The following LRGUK variants were observed in gnomAD, a reference collection of about 807,000 sequenced individuals.
LRGUK encodes the protein leucine rich repeats and guanylate kinase domain containing.
In LRGUK, 65 loss-of-function variants were observed where a neutral mutation model predicts 76.0. The ratio of observed to expected loss-of-function variants is 0.85; its 90% confidence interval spans 0.70 to 1.05. The LOEUF is 1.05. Among genes scored for constraint, LRGUK ranks in the 50% least tolerant of loss-of-function variants. The probability of loss-of-function intolerance (pLI) is 0.00; values close to 1 mark genes in which losing one functional copy is unlikely to be tolerated. For missense variants in LRGUK, 758 were observed against 732.8 expected, an observed-to-expected ratio of 1.03 and a Z score of -0.40; for synonymous variants, 268 against 265.6, an observed-to-expected ratio of 1.01 and a Z score of -0.09.
chr7:134,153,593 G>T (rs1798323706), intron 5 of LRGUK, among the ~76,000 whole-genome samples: 1 of 152,142 alleles, frequency 6.6e-6, no homozygotes, highest in Admixed American at 6.6e-5. Context: ...TTGTGGAAGA[G>T]GAACCTGAGA....
chr7:134,209,155 G>A lies in LRGUK; in HGVS notation c.2292G>A (p.Ser764=), dbSNP rs149100921. The A allele has an allele frequency of 9.8e-3, 3,917 of 399,178 alleles. 21 individuals are homozygous for A. The highest frequency in any genetic ancestry group is 0.013 in the Non-Finnish European group (2,983 of 226,394). The allele number at this position is 399,178 out of a possible 1,614,324, so 24.7% of individuals were successfully genotyped here. ...CTCCTGTGCACCCTTCCCCTCCCTC[G>A]TCCCGCAGCCCTCAGCCAGGCCAGG... Residue 764 remains serine (S), a synonymous_variant, in exon 16 of 16, where the codon TCG becomes TCA. Transcript: ENST00000645682.
At chr7:134,214,034 A>G (rs1328821077), downstream of LRGUK, among the ~76,000 whole-genome samples, 1 of 152,250 alleles carries the variant, frequency 6.6e-6, no homozygotes, top group Non-Finnish European at 1.5e-5. Context: ...ATCAATGGAG[A>G]TAATATTGCC....
At chr7:134,211,229 C>T (rs547959904), downstream of LRGUK, among the ~76,000 whole-genome samples, 2 of 152,376 alleles carry the variant, frequency 1.3e-5, no homozygotes, top group Admixed American at 6.5e-5. Context: ...GCTCTATCAG[C>T]TGCTGCCACC....
At chr7:134,203,941 G>A (rs574123865) in intron 15 of LRGUK, among the ~76,000 whole-genome samples, 1 of 152,278 alleles carries the variant, frequency 6.6e-6, no homozygotes, top group African/African-American at 2.4e-5. Flanking sequence ...GGTCCCATCG[G>A]GTGGACCTGC....
exon 12 of LRGUK, chr7:134,191,674 C>T (rs1800254740): frequency 6.2e-7 from 1 of 1,612,336 alleles, no homozygotes; most frequent in Non-Finnish European, 8.5e-7. Flanking sequence ...TACCACAAGA[C>T]CACCTTACTT....
At chr7:134,178,934 A>AAAAAAAAAAAAAAAAC (rs376955591) in intron 10 of LRGUK, among the ~76,000 whole-genome samples, 52 of 78,134 alleles carry the variant, frequency 6.7e-4, no homozygotes, top group East Asian at 1.0e-3. Flanking sequence ...CTCAAAAAAA[A>AAAAAAAAAAAAAAAAC]AAAAAAAAAA....
chr7:134,167,655 A>G (rs113142322), intron 7 of LRGUK, among the ~76,000 whole-genome samples: 122 of 152,242 alleles, frequency 8.0e-4, no homozygotes, highest in African/African-American at 2.8e-3. Flanking sequence ...TCCCTTGCAG[A>G]AGGGGCGGGA....
rs1370159881 is a variant in LRGUK, at chr7:134,143,174, G to T, written c.588+12G>T. Reference sequence around the variant, plus strand: ...CCAAAAACCTCAAGGTAGACTTTATGAATACCTTAATTACACATTAAGGGG... The same window carrying T: ...CCAAAAACCTCAAGGTAGACTTTATTAATACCTTAATTACACATTAAGGGG... On this transcript the variant is annotated intron_variant, in intron 4 of 15. Coordinates refer to ENST00000645682, the Ensembl canonical transcript of LRGUK. 1.3e-6 allele frequency: 2 copies of T among 1,484,438 alleles called. No homozygotes were observed. Among genetic ancestry groups the T allele is most frequent in the African/African-American group, 2.8e-5 (2 of 72,148 alleles). The allele number at this position is 1,484,438 out of a possible 1,614,324, so 92.0% of individuals were successfully genotyped here. A position where few individuals can be genotyped will look rare whatever the true frequency, so the allele number is the denominator to read the frequency against.
intron 4 of LRGUK, among the ~76,000 whole-genome samples, chr7:134,144,854 T>C (rs1797905883): frequency 6.6e-6 from 1 of 152,178 alleles, no homozygotes; most frequent in Non-Finnish European, 1.5e-5. Context: ...CTGTACTCAG[T>C]GTGGGGCCGC....
At chr7:134,259,082 A>G (rs944944552) in intron 19 of LRGUK, among the ~76,000 whole-genome samples, 1 of 152,192 alleles carries the variant, frequency 6.6e-6, no homozygotes, top group Non-Finnish European at 1.5e-5. Flanking sequence ...GTTGCAGTCC[A>G]GTCTTCACTG....
intron 16 of LRGUK, among the ~76,000 whole-genome samples, chr7:134,243,283 A>G (rs1769677722): frequency 6.6e-6 from 1 of 152,206 alleles, no homozygotes. Context: ...TGCAGATGAC[A>G]TGATTTTATA....
At chr7:134,164,845 A>T (rs1798903122) in intron 7 of LRGUK, among the ~76,000 whole-genome samples, 1 of 152,186 alleles carries the variant, frequency 6.6e-6, no homozygotes, top group African/African-American at 2.4e-5. Context: ...TCAATCACAG[A>T]CAAAGCTGTT....
chr7:134,127,400 C>T, exon 1 of LRGUK: 1 of 1,613,728 alleles, frequency 6.2e-7, no homozygotes, highest in Non-Finnish European at 8.5e-7. Context: ...TCCTGAGGAC[C>T]AGAGCTGCCT....
chr7:134,162,596 G>A (rs73439423), intron 6 of LRGUK, among the ~76,000 whole-genome samples: 20,034 of 152,110 alleles, frequency 0.13, 1,671 homozygotes, highest in East Asian at 0.32. Flanking sequence ...GGAGGCCGAG[G>A]TGGGTTGATC....
chr7:134,179,179 A>C (rs1216814040), intron 10 of LRGUK, among the ~76,000 whole-genome samples: 4 of 152,200 alleles, frequency 2.6e-5, no homozygotes, highest in African/African-American at 7.2e-5. Flanking sequence ...TAAACTCAGC[A>C]GGGAGGAGTC....
At chr7:134,205,112 T>G (rs1024962834) in intron 15 of LRGUK, among the ~76,000 whole-genome samples, 1 of 152,208 alleles carries the variant, frequency 6.6e-6, no homozygotes, top group Non-Finnish European at 1.5e-5. Context: ...TGGCCAGCGT[T>G]TATTCCCTTA....
chr7:134,261,228 C>G (rs1802717754), intron 19 of LRGUK, among the ~76,000 whole-genome samples: 1 of 152,060 alleles, frequency 6.6e-6, no homozygotes, highest in Admixed American at 6.6e-5. Context: ...GGGTCAAACT[C>G]TCATGTCTTT....
rs201812095 is a variant in LRGUK, at chr7:134,191,638, C to G, written c.1335-17C>G. ...TCAAGTTAGAAATGGACTAGGTGAT[C>G]TGTTTTATGATTTCAGGGCCTGTCA... On this transcript the variant is annotated splice_polypyrimidine_tract_variant and intron_variant, in intron 11 of 15. Transcript: ENST00000645682. 6.7e-5 allele frequency: 102 copies of G among 1,529,832 alleles called. No homozygotes were observed. The highest frequency in any genetic ancestry group is 8.6e-5 in the Non-Finnish European group (95 of 1,108,568). 94.8% of individuals were successfully genotyped at this position (1,529,832 alleles called of 1,614,324 possible). A position where few individuals can be genotyped will look rare whatever the true frequency, so the allele number is the denominator to read the frequency against.
downstream of LRGUK, among the ~76,000 whole-genome samples, chr7:134,214,775 A>AACAC (rs56096728): frequency 0.012 from 1,747 of 146,818 alleles, 26 homozygotes; most frequent in African/African-American, 0.037. Flanking sequence ...ATTAAATTTA[A>AACAC]ACACACACAC....
Sources: allele counts gnomAD v4.1 joint callset (sites outside exome capture counted in the v4.1 genomes callset), GRCh38; gene constraint gnomAD v4.1.1; transcripts MANE v1.5; gene names NCBI Gene and HGNC (gene_info 2026-07-23, HGNC 2026-07-21).